The following PPP2R5C variants were observed in gnomAD, a reference collection of about 807,000 sequenced individuals.
PPP2R5C encodes the protein serine/threonine-protein phosphatase 2A 56 kDa regulatory subunit gamma isoform.
In PPP2R5C, 7 loss-of-function variants were observed where a neutral mutation model predicts 68.9. That is an observed-to-expected ratio of 0.10 (90% CI 0.06 to 0.19). PPP2R5C has a LOEUF of 0.19. Among genes scored for constraint, PPP2R5C ranks in the 10% least tolerant of loss-of-function variants. PPP2R5C has a pLI of 1.00. For missense variants in PPP2R5C, 348 were observed against 641.3 expected, an observed-to-expected ratio of 0.54 and a Z score of 4.94; for synonymous variants, 210 against 222.2, an observed-to-expected ratio of 0.95 and a Z score of 0.49.
rs2042436731 is a variant in PPP2R5C, at chr14:101,856,567, A to G, written c.95-119A>G. Reference sequence around the variant, plus strand: ...GGAATAGCCTTTGTTTACCCCACCCATCTCCTTTTTTCTTGAATCTCTATT... The same window carrying G: ...GGAATAGCCTTTGTTTACCCCACCCGTCTCCTTTTTTCTTGAATCTCTATT... On this transcript the variant is annotated intron_variant, in intron 1 of 13. Transcript: ENST00000334743. The G allele has an allele frequency of 7.5e-6, 7 of 931,414 alleles. No homozygotes were observed. The African/African-American group carries it at 8.4e-5, about 11-fold the overall frequency. The allele number at this position is 931,414 out of a possible 1,614,324, so 57.7% of individuals were successfully genotyped here. A position where few individuals can be genotyped will look rare whatever the true frequency, so the allele number is the denominator to read the frequency against.
intron 8 of PPP2R5C, among the ~76,000 whole-genome samples, chr14:101,898,893 T>A (rs2045515563): frequency 6.6e-6 from 1 of 152,196 alleles, no homozygotes; most frequent in Non-Finnish European, 1.5e-5. Context: ...GTTAATGAGA[T>A]GATCAAAGTA....
chr14:101,862,223 T>A (rs932188266), intron 2 of PPP2R5C, among the ~76,000 whole-genome samples: 2 of 152,168 alleles, frequency 1.3e-5, no homozygotes, highest in African/African-American at 4.8e-5. Context: ...GCCAGAAATT[T>A]TCAGTTTTGG....
At chr14:101,895,682 T>A (rs2045273346) in intron 8 of PPP2R5C, among the ~76,000 whole-genome samples, 1 of 152,216 alleles carries the variant, frequency 6.6e-6, no homozygotes, top group Non-Finnish European at 1.5e-5. Context: ...TTCTATCATA[T>A]GGATAGAACA....
At chr14:101,792,659 G>A (rs780934416) in intron 3 of PPP2R5C, among the ~76,000 whole-genome samples, 10 of 152,172 alleles carry the variant, frequency 6.6e-5, no homozygotes, top group Non-Finnish European at 5.9e-5. Context: ...GTTGATTTCA[G>A]TGTGTTTTCA....
In PPP2R5C at chr14:101,872,219, C is replaced by CTTTTTTTT. The variant is rs386382344; in HGVS notation, c.295-9927_295-9920dup. On this transcript the variant is annotated intron_variant, in intron 2 of 13. Coordinates refer to ENST00000334743, the Ensembl canonical transcript of PPP2R5C. Reference sequence around the variant, plus strand: ...TGCAAAAGCCTTTCTTTTCTTTTGCCTTTTTTTTTTTTTTTTTTTTTTGAG... The same window carrying CTTTTTTTT: ...TGCAAAAGCCTTTCTTTTCTTTTGCCTTTTTTTTTTTTTTTTTTTTTTTTTTTTTTGAG... Among the ~76,000 whole-genome samples the CTTTTTTTT allele has an allele frequency of 8.4e-4, 77 of 91,176 alleles. 5 individuals are homozygous for CTTTTTTTT. The highest frequency in any genetic ancestry group is 3.8e-3 in the African/African-American group (73 of 19,460). The allele number at this position is 91,176 out of a possible 152,430, so 59.8% of individuals were successfully genotyped here. A position where few individuals can be genotyped will look rare whatever the true frequency, so the allele number is the denominator to read the frequency against.
At chr14:101,827,332 T>G (rs1310275474) in intron 1 of PPP2R5C, among the ~76,000 whole-genome samples, 1 of 152,168 alleles carries the variant, frequency 6.6e-6, no homozygotes, top group East Asian at 1.9e-4. Context: ...TATATTGCAT[T>G]TATCATTTAT....
Position 101,899,327 on chromosome 14 carries a change from G to C in PPP2R5C, c.853-2392G>C, listed in dbSNP as rs115075321. Among the ~76,000 whole-genome samples the C allele has an allele frequency of 0.01, 1,576 of 152,324 alleles. 28 individuals are homozygous for C. The highest frequency in any genetic ancestry group is 0.036 in the African/African-American group (1,481 of 41,568). ...AGGAAGGGGGCTCCCCAAGACTCAA[G>C]GCTGGGGCCACTGGCTCGCCTGCCC... is the stretch of plus-strand genomic sequence containing the variant. On this transcript the variant is annotated intron_variant, in intron 8 of 13. Coordinates refer to ENST00000334743, the Ensembl canonical transcript of PPP2R5C. The surrounding 1 kb of genome is among the most constrained non-coding windows in gnomAD (Gnocchi z 4.2).
At chr14:101,923,332 T>A (rs1361810090) in intron 13 of PPP2R5C, among the ~76,000 whole-genome samples, 2 of 152,254 alleles carry the variant, frequency 1.3e-5, no homozygotes, top group East Asian at 1.9e-4. Flanking sequence ...AGCTTTTTAC[T>A]GTTGCCTTTT....
intron 13 of PPP2R5C, among the ~76,000 whole-genome samples, chr14:101,923,654 C>CT (rs1189724095): frequency 1.3e-5 from 2 of 152,170 alleles, no homozygotes; most frequent in African/African-American, 4.8e-5. Flanking sequence ...AGTCCTGCCC[C>CT]TACCATGAGT....
intron 3 of PPP2R5C, among the ~76,000 whole-genome samples, chr14:101,792,883 C>T (rs372589349): frequency 1.8e-4 from 23 of 129,178 alleles, no homozygotes; most frequent in South Asian, 4.8e-4. Flanking sequence ...TTTTTCTTTT[C>T]TTTTTTTTTT....
intron 1 of PPP2R5C, among the ~76,000 whole-genome samples, chr14:101,845,785 C>T (rs559884083): frequency 6.6e-6 from 1 of 152,276 alleles, no homozygotes; most frequent in South Asian, 2.1e-4. Context: ...AGATCTTCCT[C>T]TCCAGGAAAG....
chr14:101,841,991 G>C (rs189720143), intron 1 of PPP2R5C, among the ~76,000 whole-genome samples: 4 of 152,158 alleles, frequency 2.6e-5, no homozygotes, highest in Admixed American at 2.6e-4. Flanking sequence ...TCCAGCTCAC[G>C]GAGGCCCCCC....
At position 101,882,037 on chromosome 14, in the gene PPP2R5C, G is replaced by T; in HGVS notation, c.295-124G>T. On this transcript the variant is annotated intron_variant, in intron 2 of 13. Coordinates refer to ENST00000334743, the Ensembl canonical transcript of PPP2R5C. This position sits in a 1 kb window ranked among gnomAD's most constrained non-coding sequence, Gnocchi z 4.9. Reference sequence around the variant, plus strand: ...GACCCACACAGCTTCTGCGTTTTGAGGATACGGAGGAGCTAAGTTACCATG... The same window carrying T: ...GACCCACACAGCTTCTGCGTTTTGATGATACGGAGGAGCTAAGTTACCATG... 1.4e-6 allele frequency: 1 copy of T among 707,908 alleles called. No individual in the cohort carries two copies. The allele number at this position is 707,908 out of a possible 1,614,324, so 43.9% of individuals were successfully genotyped here.
intron 8 of PPP2R5C, among the ~76,000 whole-genome samples, chr14:101,897,520 G>A (rs12588314): frequency 0.1 from 15,745 of 151,840 alleles, 1,260 homozygotes; most frequent in African/African-American, 0.22. Flanking sequence ...CTTGGATTCC[G>A]ATGTTCGAGG....
At chr14:101,925,035 T>G in intron 13 of PPP2R5C, 106 bp from the exon 16 acceptor site, 1 of 1,280,938 alleles carries the variant, frequency 7.8e-7, no homozygotes, top group Non-Finnish European at 1.1e-6. Context: ...AGCGAGTGGG[T>G]GAGGCACACG....
rs2038660373 is a variant in PPP2R5C at position 101,797,307 on chromosome 14, C to A, written c.259+11124C>A. ...TGGACGGACACATTCCGCGTATCCC[C>A]CAATCAGTGGATGGACGCGTGGGTT... On this transcript the variant is annotated intron_variant, in intron 3 of 14. Coordinates refer to the PPP2R5C transcript ENST00000328724. This position sits in a 1 kb window ranked among gnomAD's most constrained non-coding sequence, Gnocchi z 4.2. 2.2e-6 allele frequency: 1 copy of A among 455,954 alleles called. No homozygotes were observed. Among genetic ancestry groups the A allele is most frequent in the South Asian group, 1.5e-5 (1 of 64,562 alleles). The allele number at this position is 455,954 out of a possible 1,614,324, so 28.2% of individuals were successfully genotyped here. A position where few individuals can be genotyped will look rare whatever the true frequency, so the allele number is the denominator to read the frequency against.
intron 3 of PPP2R5C, among the ~76,000 whole-genome samples, chr14:101,802,465 A>G (rs1313481477): frequency 6.6e-6 from 1 of 152,150 alleles, no homozygotes; most frequent in African/African-American, 2.4e-5. Flanking sequence ...CATAACACAT[A>G]CAAAGATTAG....
chr14:101,819,123 T>G, intron 1 of PPP2R5C: 1 of 1,481,070 alleles, frequency 6.8e-7, no homozygotes, highest in Non-Finnish European at 9.2e-7. Context: ...GTGTTTACAT[T>G]TGTAGACAGT....
chr14:101,889,547 C>T (rs1246795136), intron 5 of PPP2R5C, among the ~76,000 whole-genome samples: 1 of 152,196 alleles, frequency 6.6e-6, no homozygotes, highest in African/African-American at 2.4e-5. Flanking sequence ...TGCAGTGGCC[C>T]CATCTGGAGG....
Sources: gnomAD v4.1 joint callset for allele counts (sites outside exome capture counted in the v4.1 genomes callset) on GRCh38, gnomAD v4.1.1 for gene constraint, Gnocchi (gnomAD v3.1) non-coding constraint, MANE v1.5 for transcripts, NCBI Gene and HGNC (gene_info 2026-07-23, HGNC 2026-07-21) for gene names.